CTIF: variants seen among roughly 807,000 people sequenced by gnomAD.
CTIF encodes the protein cap binding complex dependent translation initiation factor.
Under a neutral mutation model 66.0 loss-of-function variants are expected in CTIF, and 21 were observed. The observed-to-expected ratio is 0.32, with a 90% CI of 0.23 to 0.46. The LOEUF (loss-of-function observed/expected upper bound fraction) is 0.46, where lower values mean the gene tolerates loss of function less well. CTIF is among the 20% of genes least tolerant of loss of function. CTIF has a pLI of 1.00. For synonymous variants in CTIF, 345 were observed against 326.4 expected (o/e 1.06, Z -0.62); for missense variants, 739 against 812.7 (o/e 0.91, Z 1.10).
intron 3 of CTIF, among the ~76,000 whole-genome samples, chr18:48,641,035 G>A (rs1373469203): frequency 6.6e-6 from 1 of 152,172 alleles, no homozygotes; most frequent in Non-Finnish European, 1.5e-5. Flanking sequence ...GGGATTGCCT[G>A]ACATCCTGGC....
Position 48,761,397 on chromosome 18 carries a change from T to A in CTIF, c.1079T>A (p.Val360Glu), listed in dbSNP as rs754211947. The change falls in exon 9 of 12, where the codon GTG becomes GAG. Residue 360 changes from valine to glutamate, a missense_variant. Transcript: ENST00000256413. The surrounding 1 kb of genome is among the most constrained non-coding windows in gnomAD (Gnocchi z 4.2). ...TGTCTCCGACACCCCCAGGATGAAG[T>A]GGCCGTGGAGACGACCACTCCCCAG... The part of the protein sequence containing the change: ...LRRRLKEKDE[V>E]AVETTTPQQN... 1.2e-6 allele frequency: 2 copies of A among 1,612,424 alleles called. No homozygotes were observed. Among genetic ancestry groups the A allele is most frequent in the South Asian group, 2.2e-5 (2 of 91,060 alleles).
chr18:48,688,617 G>A (rs1036142146), intron 6 of CTIF, among the ~76,000 whole-genome samples: 3 of 152,198 alleles, frequency 2.0e-5, no homozygotes, highest in African/African-American at 7.2e-5. Context: ...GCTCCCAGTG[G>A]GGAAGTGCTG....
At chr18:48,726,907 A>G (rs901893808) in intron 7 of CTIF, among the ~76,000 whole-genome samples, 2 of 152,008 alleles carry the variant, frequency 1.3e-5, no homozygotes, top group African/African-American at 4.8e-5. Context: ...ACCCCTCCCA[A>G]TGTCTCATTT....
At chr18:48,582,246 CGGCAGGG>C (rs1405991575) in intron 1 of CTIF, among the ~76,000 whole-genome samples, 1 of 151,728 alleles carries the variant, frequency 6.6e-6, no homozygotes, top group Non-Finnish European at 1.5e-5. Flanking sequence ...CTTGGCAAGG[CGGCAGGG>C]GGCAGGAGGC....
At chr18:48,692,294 G>C (rs16949802) in intron 6 of CTIF, among the ~76,000 whole-genome samples, 13,750 of 149,952 alleles carry the variant, frequency 0.092, 1,770 homozygotes, top group African/African-American at 0.29. Context: ...GTGTTCATGG[G>C]CCACAAAAAA....
intron 9 of CTIF, among the ~76,000 whole-genome samples, chr18:48,763,488 C>G (rs1354009354): frequency 6.6e-6 from 1 of 152,230 alleles, no homozygotes; most frequent in African/African-American, 2.4e-5. Context: ...AGGACAGGCT[C>G]CAGATGTCCC....
intron 9 of CTIF, among the ~76,000 whole-genome samples, chr18:48,780,498 G>A (rs1424531491): frequency 6.6e-6 from 1 of 152,226 alleles, no homozygotes; most frequent in African/African-American, 2.4e-5. Flanking sequence ...AGGCTGGAGG[G>A]AGACTGTGGG....
chr18:48,721,587 C>T (rs1267533098), intron 7 of CTIF, among the ~76,000 whole-genome samples: 1 of 152,234 alleles, frequency 6.6e-6, no homozygotes, highest in Admixed American at 6.5e-5. Context: ...GCTCATCTCT[C>T]ACCAGCCAGG....
chr18:48,672,281 G>C (rs921871263), intron 6 of CTIF, among the ~76,000 whole-genome samples: 1 of 151,864 alleles, frequency 6.6e-6, no homozygotes, highest in African/African-American at 2.4e-5. Flanking sequence ...TGGTTCACTC[G>C]TCTGGCCTTG....
chr18:48,553,493 G>A (rs2088939163), intron 1 of CTIF, among the ~76,000 whole-genome samples: 1 of 152,092 alleles, frequency 6.6e-6, no homozygotes, highest in Admixed American at 6.5e-5. Flanking sequence ...CTGTAACCAG[G>A]GCAGTCAGAA....
chr18:48,546,185 TAG>T (rs1404104178), intron 1 of CTIF, among the ~76,000 whole-genome samples: 1 of 152,114 alleles, frequency 6.6e-6, no homozygotes, highest in African/African-American at 2.4e-5. Flanking sequence ...GCAACTTAAA[TAG>T]AGTGTTGCAG....
intron 7 of CTIF, among the ~76,000 whole-genome samples, chr18:48,747,040 G>A (rs917879763): frequency 9.2e-5 from 14 of 152,086 alleles, no homozygotes; most frequent in Non-Finnish European, 1.6e-4. Context: ...CCCCAAGGGC[G>A]GGAACCATAT....
At chr18:48,599,998 G>A (rs2144116632) in intron 1 of CTIF, among the ~76,000 whole-genome samples, 1 of 152,300 alleles carries the variant, frequency 6.6e-6, no homozygotes. Context: ...GGTGTGAGGT[G>A]AGAAGGGACA....
At chr18:48,607,086 C>T (rs1346838993) in intron 1 of CTIF, among the ~76,000 whole-genome samples, 1 of 149,932 alleles carries the variant, frequency 6.7e-6, no homozygotes, top group African/African-American at 2.4e-5. Flanking sequence ...GATTTGCTTT[C>T]CTGCTTTAGG....
chr18:48,687,642 C>G (rs948589017), intron 6 of CTIF, among the ~76,000 whole-genome samples: 6 of 152,360 alleles, frequency 3.9e-5, no homozygotes, highest in African/African-American at 1.4e-4. Flanking sequence ...CCGACACCAC[C>G]TCTGAGACAG....
At chr18:48,612,296 C>T (rs918566983) in intron 1 of CTIF, among the ~76,000 whole-genome samples, 2 of 152,296 alleles carry the variant, frequency 1.3e-5, no homozygotes, top group South Asian at 2.1e-4. Flanking sequence ...TCGGGGAGAG[C>T]CTGGGCACCC....
chr18:48,801,814 A>G lies in CTIF; in HGVS notation c.1372-15407A>G, dbSNP rs752481828. Among the ~76,000 whole-genome samples the G allele has an allele frequency of 3.9e-5, 6 of 152,174 alleles. No individual in the cohort carries two copies. The South Asian group carries it at 1.0e-3, about 26-fold the overall frequency. On this transcript the variant is annotated intron_variant, in intron 9 of 11. Coordinates refer to ENST00000256413, the MANE Select transcript of CTIF (RefSeq NM_014772.3). ...ATTTCTGCCTAGGGTTGGGGACCCA[A>G]CCTTCTTAGTAGAACCTGGTCCAGG...
intron 9 of CTIF, among the ~76,000 whole-genome samples, chr18:48,787,589 C>T (rs1599043104): frequency 6.6e-6 from 1 of 152,130 alleles, no homozygotes; most frequent in Non-Finnish European, 1.5e-5. Flanking sequence ...CCGTGACGGG[C>T]CCCAGCTCCA....
intron 1 of CTIF, among the ~76,000 whole-genome samples, chr18:48,596,162 C>T (rs888396231): frequency 1.3e-5 from 2 of 152,176 alleles, no homozygotes; most frequent in African/African-American, 4.8e-5. Flanking sequence ...AGCTGCTTAC[C>T]ACGGTGACAT....
Sources: allele counts gnomAD v4.1 joint callset (sites outside exome capture counted in the v4.1 genomes callset), GRCh38; gene constraint gnomAD v4.1.1; non-coding constraint Gnocchi (gnomAD v3.1); transcripts MANE v1.5; gene names NCBI Gene and HGNC (gene_info 2026-07-23, HGNC 2026-07-21).